The following CDH19 variants were observed in gnomAD, a reference collection of about 807,000 sequenced individuals.
CDH19 encodes the protein cadherin 19.
Under a neutral mutation model 64.2 loss-of-function variants are expected in CDH19, and 67 were observed. The ratio of observed to expected loss-of-function variants is 1.04; its 90% confidence interval spans 0.86 to 1.28. The LOEUF (loss-of-function observed/expected upper bound fraction) is 1.28, where lower values mean the gene tolerates loss of function less well. Among genes scored for constraint, CDH19 ranks in the 50% most tolerant of loss-of-function variants. The pLI, the probability that CDH19 is intolerant of heterozygous loss-of-function variation, is 0.00. For synonymous variants in CDH19, 346 were observed against 319.3 expected (o/e 1.08, Z -0.89); for missense variants, 1,030 against 929.0 (o/e 1.11, Z -1.41).
intron 1 of CDH19, among the ~76,000 whole-genome samples, chr18:66,579,843 T>C (rs1031311375): frequency 6.6e-5 from 10 of 152,068 alleles, no homozygotes; most frequent in Non-Finnish European, 2.9e-5. Context: ...GGTCATTGAA[T>C]GTTTCTTTCT....
intron 1 of CDH19, among the ~76,000 whole-genome samples, chr18:66,589,663 C>T (rs8096193): frequency 0.56 from 84,223 of 151,276 alleles, 23,371 homozygotes; most frequent in Admixed American, 0.59. Context: ...ATAGAAAGTA[C>T]TATTTTGTTA....
intron 4 of CDH19, among the ~76,000 whole-genome samples, 166 bp downstream of exon 4, chr18:66,554,239 A>C (rs2144522428): frequency 6.6e-6 from 1 of 152,176 alleles, no homozygotes; most frequent in African/African-American, 2.4e-5. Flanking sequence ...GTCTCCTAGA[A>C]GTATCAGCTA....
chr18:66,523,530 A>G (rs1466896420), intron 9 of CDH19, among the ~76,000 whole-genome samples: 1 of 147,332 alleles, frequency 6.8e-6, no homozygotes, highest in African/African-American at 2.5e-5. Flanking sequence ...CCAGGGTACC[A>G]GTGGGCTGGA....
rs143832220 is a variant in CDH19, at chr18:66,526,337, C to A, written c.1458+3508G>T. ...CTTTACATTTATACTTTAAGCAGGGCACAAGAAAACTCTATGCCATTGCAC... is the reference window on the plus strand; with the variant it reads ...CTTTACATTTATACTTTAAGCAGGGAACAAGAAAACTCTATGCCATTGCAC... On this transcript the variant is annotated intron_variant, in intron 9 of 11. Transcript: ENST00000262150. Among the ~76,000 whole-genome samples the A allele has an allele frequency of 1.0e-2, 1,517 of 152,092 alleles. 35 individuals are homozygous for A. Among genetic ancestry groups the A allele is most frequent in the African/African-American group, 0.034 (1,425 of 41,510 alleles).
chr18:66,556,015 C>T (rs2144528258), intron 3 of CDH19, among the ~76,000 whole-genome samples: 1 of 151,736 alleles, frequency 6.6e-6, no homozygotes, highest in Non-Finnish European at 1.5e-5. Context: ...TAAGCTAGTA[C>T]TATACAAATG....
intron 1 of CDH19, among the ~76,000 whole-genome samples, chr18:66,591,945 G>C (rs190293240): frequency 1.3e-5 from 2 of 151,702 alleles, no homozygotes; most frequent in Admixed American, 6.6e-5. Context: ...TACTTTCCAC[G>C]AGGCATTTCA....
chr18:66,568,558 T>C lies in CDH19; in HGVS notation c.348A>G (p.Arg116=). 6.2e-7 allele frequency: 1 copy of C among 1,612,376 alleles called. No individual in the cohort carries two copies. Residue 116 remains arginine, a synonymous_variant, in exon 3 of 12, where the codon AGA becomes AGG. Coordinates refer to ENST00000262150, the MANE Select transcript of CDH19 (RefSeq NM_021153.4). ...CAGTAGCGATGTCTATTACCTGGGCTCTTAAGATGTAGAGGGATCGCTCCT... is the reference window on the plus strand; with the variant it reads ...CAGTAGCGATGTCTATTACCTGGGCCCTTAAGATGTAGAGGGATCGCTCCT... ...DREERSLYIL[R]AQVIDIATGR... is the part of the protein sequence containing the mutation.
At chr18:66,602,882 TG>T (rs1370371527) in intron 1 of CDH19, among the ~76,000 whole-genome samples, 2 of 151,700 alleles carry the variant, frequency 1.3e-5, no homozygotes, top group African/African-American at 4.8e-5. Context: ...TTAAATTCTT[TG>T]AAATCAAAAA....
chr18:66,522,422 G>T (rs944662022), intron 9 of CDH19, among the ~76,000 whole-genome samples: 1 of 151,884 alleles, frequency 6.6e-6, no homozygotes, highest in Admixed American at 6.6e-5. Context: ...GGCTAATTTC[G>T]TATTTTTAGT....
chr18:66,537,253 ATTCCTCAATG>A (rs1986710070), intron 7 of CDH19, among the ~76,000 whole-genome samples: 1 of 151,922 alleles, frequency 6.6e-6, no homozygotes, highest in Non-Finnish European at 1.5e-5. Flanking sequence ...CTCCTCCACG[ATTCCTCAATG>A]TTCTTGTCTC....
chr18:66,590,987 T>C (rs1394275882), intron 1 of CDH19, among the ~76,000 whole-genome samples: 1 of 151,892 alleles, frequency 6.6e-6, no homozygotes, highest in African/African-American at 2.4e-5. Flanking sequence ...TATGTATTAC[T>C]TTTTAAGTTC....
At chr18:66,513,135 G>C (rs748803423) in intron 9 of CDH19, among the ~76,000 whole-genome samples, 1 of 151,474 alleles carries the variant, frequency 6.6e-6, no homozygotes, top group Non-Finnish European at 1.5e-5. Context: ...GCTGGCATAT[G>C]TGGCTACAGT....
chr18:66,559,596 T>C (rs1476626370), intron 3 of CDH19, among the ~76,000 whole-genome samples: 1 of 151,580 alleles, frequency 6.6e-6, no homozygotes, highest in Non-Finnish European at 1.5e-5. Flanking sequence ...TGCATATAGT[T>C]ACAGAAAAAC....
chr18:66,578,836 C>T (rs1366607406), intron 1 of CDH19, among the ~76,000 whole-genome samples: 2 of 151,926 alleles, frequency 1.3e-5, no homozygotes, highest in African/African-American at 4.8e-5. Flanking sequence ...AAATGAACTA[C>T]TGATACAGTA....
chr18:66,543,473 T>A (rs1486235200), intron 7 of CDH19, among the ~76,000 whole-genome samples: 1 of 152,142 alleles, frequency 6.6e-6, no homozygotes, highest in African/African-American at 2.4e-5. Flanking sequence ...TTCTTGCACG[T>A]GTTTGAAATC....
In CDH19 at chr18:66,571,124, C is replaced by A. The variant is rs527250070; in HGVS notation, c.195+886G>T. ...CGTGTGTGTGTGTGTTCACAATACA[C>A]CCTCCTCCCTGCACGTTTGGAAATA... is the stretch of plus-strand genomic sequence containing the variant. On this transcript the variant is annotated intron_variant, in intron 2 of 11. Transcript: ENST00000262150. 2.0e-5 allele frequency among the ~76,000 whole-genome samples: 3 copies of A among 151,160 alleles called. No homozygotes were observed. In the South Asian group the frequency reaches 6.2e-4, roughly 31 times the overall value.
At chr18:66,598,262 T>C (rs543017757) in intron 1 of CDH19, among the ~76,000 whole-genome samples, 8 of 152,128 alleles carry the variant, frequency 5.3e-5, no homozygotes, top group South Asian at 2.1e-4. Context: ...ATCTTAGAAC[T>C]ACCACTCAAC....
intron 1 of CDH19, among the ~76,000 whole-genome samples, chr18:66,584,180 T>C (rs1036133208): frequency 2.0e-5 from 3 of 151,930 alleles, no homozygotes; most frequent in African/African-American, 7.3e-5. Flanking sequence ...CATTAAAAAG[T>C]AGGCAAATAC....
intron 3 of CDH19, among the ~76,000 whole-genome samples, chr18:66,565,243 C>A (rs1310311749): frequency 6.6e-6 from 1 of 151,890 alleles, no homozygotes; most frequent in African/African-American, 2.4e-5. Flanking sequence ...AAGTTAATTT[C>A]ATTTCAAACA....
Sources: gnomAD v4.1 joint callset for allele counts (sites outside exome capture counted in the v4.1 genomes callset) on GRCh38, gnomAD v4.1.1 for gene constraint, MANE v1.5 for transcripts, NCBI Gene and HGNC (gene_info 2026-07-23, HGNC 2026-07-21) for gene names.